Variants in ATP8A2 observed in about 807,000 individuals in gnomAD.
The protein encoded by ATP8A2 is phospholipid-transporting ATPase IB.
A neutral mutation model predicts 165.6 loss-of-function variants in ATP8A2; 100 were observed. That is an observed-to-expected ratio of 0.60 (90% confidence interval 0.51 to 0.71). ATP8A2 has a LOEUF of 0.71. Among genes scored for constraint, ATP8A2 ranks in the 30% least tolerant of loss-of-function variants. The pLI, the probability that ATP8A2 is intolerant of heterozygous loss-of-function variation, is 0.00. For missense variants in ATP8A2, 1,227 were observed against 1,479.5 expected (o/e 0.83, Z 2.80); for synonymous variants, 543 against 548.8 (o/e 0.99, Z 0.15).
At chr13:25,854,022 G>C (rs570264579) in intron 30 of ATP8A2, among the ~76,000 whole-genome samples, 44 of 152,302 alleles carry the variant, frequency 2.9e-4, no homozygotes, top group African/African-American at 1.0e-3. Context: ...GGAACAGAGA[G>C]CAGGGCTGTT....
At chr13:25,534,070 A>G (rs1457264583) in intron 6 of ATP8A2, 11 of 456,876 alleles carry the variant, frequency 2.4e-5, no homozygotes, top group Admixed American at 1.3e-4. Context: ...ATAAACATTT[A>G]ATAAACAATG....
rs1566299785 is a variant in ATP8A2 at position 25,953,545 on chromosome 13, A to AAAAAAAAAAACAAC, written c.3184-8029_3184-8028insAAAAAAAAACAACA. On this transcript the variant is annotated intron_variant, in intron 33 of 36. Coordinates refer to ENST00000381655, the MANE Select transcript of ATP8A2 (RefSeq NM_016529.6). The surrounding 1 kb of genome is among the most constrained non-coding windows in gnomAD (Gnocchi z 6.7). ...TTTAAAAAAAAAAAAAAAAAAAAAA[A>AAAAAAAAAAACAAC]AGCAAGGGAAATAGGCAAGACGGCC... 8.1e-6 allele frequency among the ~76,000 whole-genome samples: 1 copy of AAAAAAAAAAACAAC among 122,766 alleles called. No homozygotes were observed. The highest frequency in any genetic ancestry group is 3.6e-5 in the African/African-American group (1 of 27,712). The allele number at this position is 122,766 out of a possible 152,430, so 80.5% of individuals were successfully genotyped here.
rs1449817567 is a variant in ATP8A2 at position 26,020,710 on chromosome 13, C to G, written c.*725C>G. 1 of 152,976 alleles carries G rather than the reference C, an allele frequency of 6.5e-6. No individual in the cohort carries two copies. Among genetic ancestry groups the G allele is most frequent in the Non-Finnish European group, 1.5e-5 (1 of 68,682 alleles). The allele number at this position is 152,976 out of a possible 1,614,324, so 9.5% of individuals were successfully genotyped here. Reference sequence around the variant, plus strand: ...ACCTGCTGCATGGCTGGCCACACCACTCAGTGCATGGCGGCCGATGGGCAG... The same window carrying G: ...ACCTGCTGCATGGCTGGCCACACCAGTCAGTGCATGGCGGCCGATGGGCAG... On this transcript the variant is annotated 3_prime_UTR_variant, in exon 37 of 37. Transcript: ENST00000381655.
chr13:25,436,417 C>T (rs2034777637), intron 1 of ATP8A2, among the ~76,000 whole-genome samples: 1 of 152,144 alleles, frequency 6.6e-6, no homozygotes, highest in South Asian at 2.1e-4. Flanking sequence ...CAGCTACATC[C>T]ATGTTGCTGC....
chr13:25,396,492 G>T (rs776781097), intron 1 of ATP8A2, among the ~76,000 whole-genome samples: 1 of 152,144 alleles, frequency 6.6e-6, no homozygotes, highest in Non-Finnish European at 1.5e-5. Context: ...GAAGGTCAGA[G>T]AGAAACTTCT....
At chr13:25,800,082 T>C (rs912213049) in intron 27 of ATP8A2, among the ~76,000 whole-genome samples, 2 of 152,238 alleles carry the variant, frequency 1.3e-5, no homozygotes, top group African/African-American at 2.4e-5. Flanking sequence ...ACTTATTTAA[T>C]GTCCACCAAC....
intron 35 of ATP8A2, among the ~76,000 whole-genome samples, chr13:25,981,228 T>C (rs1956165448): frequency 6.6e-6 from 1 of 152,236 alleles, no homozygotes; most frequent in Non-Finnish European, 1.5e-5. Context: ...TATTTAACTG[T>C]TGCTTAAGTA....
chr13:25,902,321 C>T (rs2138954640), intron 33 of ATP8A2, among the ~76,000 whole-genome samples: 1 of 152,270 alleles, frequency 6.6e-6, no homozygotes, highest in Middle Eastern at 3.4e-3. Context: ...ATCTTCTTAA[C>T]CCCTTCCCAA....
chr13:25,869,126 C>T (rs1370239432), intron 33 of ATP8A2, among the ~76,000 whole-genome samples: 1 of 116,362 alleles, frequency 8.6e-6, no homozygotes, highest in Non-Finnish European at 1.9e-5. Flanking sequence ...AAATCAGAAA[C>T]ATTCAGTTGA....
intron 2 of ATP8A2, among the ~76,000 whole-genome samples, chr13:25,509,359 A>G (rs1469925295): frequency 6.6e-6 from 1 of 152,238 alleles, no homozygotes; most frequent in African/African-American, 2.4e-5. Context: ...TCAATTAAAA[A>G]TAATTGATCA....
intron 25 of ATP8A2, among the ~76,000 whole-genome samples, chr13:25,737,673 T>G (rs548814382): frequency 6.6e-6 from 1 of 152,046 alleles, no homozygotes; most frequent in Non-Finnish European, 1.5e-5. Flanking sequence ...TTTTTTATTT[T>G]TATTTTATTA....
chr13:25,983,683 A>G (rs974218595), intron 35 of ATP8A2, among the ~76,000 whole-genome samples: 7 of 152,142 alleles, frequency 4.6e-5, no homozygotes, highest in Non-Finnish European at 1.0e-4. Context: ...AGGTGTAAAT[A>G]TTGTCATCCT....
intron 1 of ATP8A2, among the ~76,000 whole-genome samples, chr13:25,396,722 A>G (rs114520827): frequency 0.014 from 2,185 of 152,206 alleles, 60 homozygotes; most frequent in African/African-American, 0.05. Context: ...ACTGACTCTT[A>G]GTTGTGGGCG....
chr13:25,440,739 T>G (rs2034910414), intron 1 of ATP8A2, among the ~76,000 whole-genome samples: 1 of 152,214 alleles, frequency 6.6e-6, no homozygotes, highest in African/African-American at 2.4e-5. Flanking sequence ...GATGGTTACC[T>G]GTAGCTAACA....
intron 27 of ATP8A2, among the ~76,000 whole-genome samples, chr13:25,799,225 T>C (rs1164666591): frequency 2.0e-5 from 3 of 152,134 alleles, no homozygotes; most frequent in Non-Finnish European, 2.9e-5. Context: ...ATGATAAGGG[T>C]TAGTTAACAA....
chr13:25,735,815 A>G (rs2043755472), intron 25 of ATP8A2, among the ~76,000 whole-genome samples: 1 of 152,186 alleles, frequency 6.6e-6, no homozygotes, highest in Non-Finnish European at 1.5e-5. Flanking sequence ...TTTTTCATAA[A>G]TTTAGGGTAG....
chr13:25,468,379 T>C (rs559518417), intron 1 of ATP8A2, among the ~76,000 whole-genome samples: 1 of 152,232 alleles, frequency 6.6e-6, no homozygotes, highest in South Asian at 2.1e-4. Context: ...TTGCAGACAA[T>C]GGTGGGAGCG....
chr13:25,664,139 G>A (rs1168294890), intron 24 of ATP8A2, among the ~76,000 whole-genome samples: 1 of 151,996 alleles, frequency 6.6e-6, no homozygotes, highest in African/African-American at 2.4e-5. Context: ...AGTCTGGGAG[G>A]GCAACAGAGC....
chr13:25,537,068 G>A (rs902906143), intron 6 of ATP8A2, among the ~76,000 whole-genome samples: 4 of 152,290 alleles, frequency 2.6e-5, no homozygotes, highest in South Asian at 2.1e-4. Flanking sequence ...TGCTTTCTGC[G>A]ATGTTACTGA....
Sources: allele counts gnomAD v4.1 joint callset (sites outside exome capture counted in the v4.1 genomes callset), GRCh38; gene constraint gnomAD v4.1.1; non-coding constraint Gnocchi (gnomAD v3.1); transcripts MANE v1.5; gene names NCBI Gene and HGNC (gene_info 2026-07-23, HGNC 2026-07-21).